Variants in COX7A2L observed in about 807,000 individuals in gnomAD.
COX7A2L encodes cytochrome c oxidase subunit 7A2-like, mitochondrial.
COX7A2L carries 18 observed loss-of-function variants against 14.2 expected under a neutral mutation model. The ratio of observed to expected loss-of-function variants is 1.27; its 90% CI spans 0.88 to 1.88. COX7A2L has a LOEUF of 1.88. Ranked by LOEUF, COX7A2L falls within the 40% of genes most tolerant of loss-of-function variation. COX7A2L has a pLI of 0.00. For synonymous variants in COX7A2L, 65 were observed against 57.4 expected, an observed-to-expected ratio of 1.13 and a Z score of -0.60; for missense variants, 179 against 138.8, an observed-to-expected ratio of 1.29 and a Z score of -1.46.
At chr2:42,346,824 T>G (rs1476203051), downstream of COX7A2L, among the ~76,000 whole-genome samples, 1 of 152,146 alleles carries the variant, frequency 6.6e-6, no homozygotes, top group Non-Finnish European at 1.5e-5. Context: ...TTTAAAAAAA[T>G]GTTTTATTCT....
intron 1 of COX7A2L, chr2:42,368,757 G>A (rs1365427517): frequency 6.6e-6 from 1 of 152,222 alleles, no homozygotes; most frequent in African/African-American, 2.4e-5. Flanking sequence ...TGCAGCAACT[G>A]AGCAGACTGG....
In COX7A2L at chr2:42,351,146, TTTTAA is replaced by T. The variant is rs1670628701; in HGVS notation, c.*68_*72del. On this transcript the variant is annotated 3_prime_UTR_variant, in exon 3 of 3. Transcript: ENST00000234301. ...TAAGCCATCCAAGTAAAAAAAAAAA[TTTTAA>T]TTTAACAATGAAAAAGGAACTTCAA... 2.9e-6 allele frequency: 4 copies of T among 1,391,780 alleles called. No individual in the cohort carries two copies. The highest frequency in any genetic ancestry group is 2.9e-6 in the Non-Finnish European group (3 of 1,041,942). 86.2% of individuals were successfully genotyped at this position (1,391,780 alleles called of 1,614,324 possible).
upstream of COX7A2L, chr2:42,365,726 A>AG (rs1325201050): frequency 6.6e-6 from 1 of 152,204 alleles, no homozygotes; most frequent in Non-Finnish European, 1.5e-5. Context: ...CCAAATTACC[A>AG]GGTAATTTAG....
At chr2:42,337,275 A>G (rs1670296741) in intron 2 of COX7A2L, among the ~76,000 whole-genome samples, 1 of 152,212 alleles carries the variant, frequency 6.6e-6, no homozygotes, top group South Asian at 2.1e-4. Context: ...CACACAGTGG[A>G]ATAATACTTA....
chr2:42,356,957 G>C (rs900972369), intron 1 of COX7A2L, among the ~76,000 whole-genome samples: 8 of 152,102 alleles, frequency 5.3e-5, no homozygotes, highest in African/African-American at 1.9e-4. Flanking sequence ...CATAGATCAA[G>C]AAAAATCACA....
In COX7A2L at chr2:42,342,218, A is replaced by T. The variant is rs1209006496; in HGVS notation, c.193-8349T>A. ...CACAACTGAAGCCTAAGCCTGGTAC[A>T]GCTGGAACCCTGAAGGGGGCCCTGG... is the stretch of plus-strand genomic sequence containing the variant. On this transcript the variant is annotated intron_variant, in intron 2 of 2. Transcript: ENST00000468711. This position sits in a 1 kb window ranked among gnomAD's most constrained non-coding sequence, Gnocchi z 4.9. 6.6e-6 allele frequency among the ~76,000 whole-genome samples: 1 copy of T among 152,128 alleles called. No homozygotes were observed. The highest frequency in any genetic ancestry group is 1.5e-5 in the Non-Finnish European group (1 of 68,018).
At chr2:42,346,610 G>C (rs189102531), downstream of COX7A2L, among the ~76,000 whole-genome samples, 6 of 151,932 alleles carry the variant, frequency 3.9e-5, no homozygotes, top group East Asian at 1.2e-3. Context: ...GCAAGACCTC[G>C]TCTCTCCCAA....
chr2:42,349,254 G>A (rs989204949), downstream of COX7A2L: 17 of 152,160 alleles, frequency 1.1e-4, no homozygotes, highest in Non-Finnish European at 2.5e-4. Flanking sequence ...ATACCCATTC[G>A]ATTGAATACT....
chr2:42,364,250 C>CAAAAAAAAAAAAAAAAAAAAAAAA (rs35151680), upstream of COX7A2L, among the ~76,000 whole-genome samples: 89 of 85,376 alleles, frequency 1.0e-3, no homozygotes, highest in East Asian at 1.8e-3. Flanking sequence ...GACTCCGTCT[C>CAAAAAAAAAAAAAAAAAAAAAAAA]AAAAAAAAAA....
At chr2:42,340,394 C>CTT (rs1572783091) in intron 2 of COX7A2L, among the ~76,000 whole-genome samples, 1 of 152,218 alleles carries the variant, frequency 6.6e-6, no homozygotes, top group South Asian at 2.1e-4. Context: ...TGTTGTAAGT[C>CTT]TTTTTCCTCT....
chr2:42,347,307 C>CATTTTTTT (rs71408096), downstream of COX7A2L, among the ~76,000 whole-genome samples: 2 of 135,052 alleles, frequency 1.5e-5, 1 homozygote, highest in African/African-American at 5.3e-5. Context: ...AAACCAGCAC[C>CATTTTTTT]TTTTTTTTTT....
chr2:42,340,969 C>T (rs771016913), intron 2 of COX7A2L, among the ~76,000 whole-genome samples: 3 of 152,188 alleles, frequency 2.0e-5, no homozygotes, highest in Non-Finnish European at 2.9e-5. Context: ...CCAAAGAAAG[C>T]GAGCTCACCT....
chr2:42,354,069 T>C (rs553282821), intron 1 of COX7A2L, among the ~76,000 whole-genome samples: 1 of 152,260 alleles, frequency 6.6e-6, no homozygotes, highest in Non-Finnish European at 1.5e-5. Context: ...GGTTAATGGT[T>C]GCTTCAGGTG....
chr2:42,337,379 G>A (rs1373916079), intron 2 of COX7A2L, among the ~76,000 whole-genome samples: 1 of 152,130 alleles, frequency 6.6e-6, no homozygotes, highest in Non-Finnish European at 1.5e-5. Flanking sequence ...TCTACAAACT[G>A]CATCCCATTG....
intron 2 of COX7A2L, among the ~76,000 whole-genome samples, chr2:42,352,037 T>A (rs1043790908): frequency 1.3e-5 from 2 of 152,220 alleles, no homozygotes; most frequent in African/African-American, 4.8e-5. Context: ...TAGTTTGGCT[T>A]CTGATCATAA....
chr2:42,336,529 C>G (rs914298010), intron 2 of COX7A2L, among the ~76,000 whole-genome samples: 1 of 152,120 alleles, frequency 6.6e-6, no homozygotes, highest in Non-Finnish European at 1.5e-5. Context: ...CCATCTCATG[C>G]TTGACTGATC....
intron 2 of COX7A2L, among the ~76,000 whole-genome samples, chr2:42,343,584 A>G (rs565074715): frequency 2.9e-4 from 44 of 152,304 alleles, no homozygotes; most frequent in African/African-American, 9.9e-4. Flanking sequence ...ATAGTGACCC[A>G]GCCTAGGAGG....
In COX7A2L at chr2:42,340,114, A is replaced by T. The variant is rs145216134; in HGVS notation, c.193-6245T>A. Among the ~76,000 whole-genome samples the T allele has an allele frequency of 4.1e-3, 619 of 152,126 alleles. 1 individual carries two copies. Among genetic ancestry groups the T allele is most frequent in the Middle Eastern group, 0.017 (5 of 294 alleles). On this transcript the variant is annotated intron_variant, in intron 2 of 2. Transcript: ENST00000468711. ...AATGCTTATGGGATTCCTCACCTAG[A>T]AGACCCATAGGCAACCCACATTCTC...
intron 2 of COX7A2L, among the ~76,000 whole-genome samples, chr2:42,340,935 T>C (rs540994341): frequency 6.6e-6 from 1 of 152,298 alleles, no homozygotes; most frequent in African/African-American, 2.4e-5. Context: ...GGTCGGCACC[T>C]CTAACCTCTG....
Sources: allele counts gnomAD v4.1 joint callset (sites outside exome capture counted in the v4.1 genomes callset), GRCh38; gene constraint gnomAD v4.1.1; non-coding constraint Gnocchi (gnomAD v3.1); transcripts MANE v1.5; gene names NCBI Gene and HGNC (gene_info 2026-07-23, HGNC 2026-07-21).